MAGI1: variants seen among roughly 807,000 people sequenced by gnomAD.
MAGI1 encodes membrane associated guanylate kinase, WW and PDZ domain containing 1, also known as membrane-associated guanylate kinase, WW and PDZ domain-containing protein 1.
A neutral mutation model predicts 139.9 loss-of-function variants in MAGI1; 58 were observed. That is an observed-to-expected ratio of 0.41 (90% confidence interval 0.34 to 0.52). The LOEUF (loss-of-function observed/expected upper bound fraction) is 0.52. Among genes scored for constraint, MAGI1 ranks in the 20% least tolerant of loss-of-function variants. The pLI is 0.12. For synonymous variants in MAGI1, 812 were observed against 737.9 expected, an observed-to-expected ratio of 1.10 and a Z score of -1.63; for missense variants, 1,874 against 1,901.6, an observed-to-expected ratio of 0.99 and a Z score of 0.27.
intron 12 of MAGI1, chr3:65,401,780 C>G: frequency 7.3e-7 from 1 of 1,377,890 alleles, no homozygotes; most frequent in Non-Finnish European, 9.4e-7. Flanking sequence ...GACAGAATCT[C>G]AAATGCTCTT....
intron 1 of MAGI1, among the ~76,000 whole-genome samples, chr3:65,676,710 AC>A (rs2087211564): frequency 1.3e-5 from 2 of 152,020 alleles, no homozygotes; most frequent in African/African-American, 4.8e-5. Flanking sequence ...CATTTTATCT[AC>A]CCCCTTCTTC....
chr3:65,457,905 T>C (rs1312312528), intron 5 of MAGI1, among the ~76,000 whole-genome samples: 1 of 152,110 alleles, frequency 6.6e-6, no homozygotes, highest in South Asian at 2.1e-4. Context: ...ATTCTTTCTA[T>C]TTTTTTGTAG....
intron 1 of MAGI1, among the ~76,000 whole-genome samples, chr3:65,742,116 C>T (rs1219645529): frequency 6.6e-6 from 1 of 152,042 alleles, no homozygotes; most frequent in African/African-American, 2.4e-5. Context: ...TAGAATTCTA[C>T]AATATTTAAC....
chr3:65,802,494 A>G (rs547131622), intron 1 of MAGI1, among the ~76,000 whole-genome samples: 1 of 152,328 alleles, frequency 6.6e-6, no homozygotes, highest in East Asian at 1.9e-4. Flanking sequence ...CTAGAAAAAT[A>G]AAAAGTCCTT....
intron 1 of MAGI1, among the ~76,000 whole-genome samples, chr3:65,761,636 A>G (rs760661388): frequency 3.2e-4 from 49 of 152,208 alleles, no homozygotes; most frequent in Non-Finnish European, 5.6e-4. Flanking sequence ...GCACAATGCC[A>G]CAAAAGAAGT....
At chr3:65,597,910 A>G in intron 2 of MAGI1, 2 of 410,824 alleles carry the variant, frequency 4.9e-6, no homozygotes, top group South Asian at 3.2e-5. Flanking sequence ...CAGCGGCTGT[A>G]AAGAGAGGCG....
intron 3 of MAGI1, among the ~76,000 whole-genome samples, chr3:65,484,757 G>A (rs1486256623): frequency 6.6e-6 from 1 of 151,902 alleles, no homozygotes; most frequent in Non-Finnish European, 1.5e-5. Flanking sequence ...TCCTCACCCT[G>A]TTACTACCTG....
At chr3:65,620,354 C>T (rs2083598938) in intron 2 of MAGI1, among the ~76,000 whole-genome samples, 1 of 152,138 alleles carries the variant, frequency 6.6e-6, no homozygotes, top group African/African-American at 2.4e-5. Context: ...TACTGACCCT[C>T]CCCGTGACTT....
At chr3:65,972,599 C>G (rs1323639788) in intron 1 of MAGI1, among the ~76,000 whole-genome samples, 1 of 152,246 alleles carries the variant, frequency 6.6e-6, no homozygotes, top group Non-Finnish European at 1.5e-5. Flanking sequence ...TCCAAAATAT[C>G]ATGTATTTTT....
intron 1 of MAGI1, 63 bp downstream of exon 1, chr3:66,037,933 G>A (rs2069032873): frequency 8.6e-6 from 13 of 1,511,260 alleles, no homozygotes; most frequent in South Asian, 1.3e-5. Context: ...TCGAGAATAA[G>A]GGGCAGCCCA....
chr3:65,673,039 G>A (rs1421724766), intron 1 of MAGI1, among the ~76,000 whole-genome samples: 1 of 152,072 alleles, frequency 6.6e-6, no homozygotes, highest in Non-Finnish European at 1.5e-5. Flanking sequence ...CAACTCAAAA[G>A]GGCATCACAT....
chr3:65,890,288 C>T (rs1559981831), intron 1 of MAGI1, among the ~76,000 whole-genome samples: 2 of 152,166 alleles, frequency 1.3e-5, no homozygotes, highest in Admixed American at 6.5e-5. Context: ...TGGCGTCAAC[C>T]CAGGAGGCGG....
At chr3:65,909,377 T>C (rs917045106) in intron 1 of MAGI1, among the ~76,000 whole-genome samples, 1 of 149,284 alleles carries the variant, frequency 6.7e-6, no homozygotes, top group African/African-American at 2.5e-5. Flanking sequence ...AAAAAAAAAA[T>C]TGTTTAATTA....
chr3:66,024,573 A>T (rs1399062060), intron 1 of MAGI1, among the ~76,000 whole-genome samples: 1 of 151,562 alleles, frequency 6.6e-6, no homozygotes, highest in African/African-American at 2.4e-5. Context: ...TTGGGAGGCC[A>T]AGGTGGGCGG....
intron 1 of MAGI1, among the ~76,000 whole-genome samples, chr3:65,929,630 G>T (rs961431850): frequency 6.6e-6 from 1 of 152,090 alleles, no homozygotes; most frequent in Non-Finnish European, 1.5e-5. Context: ...ACCGCGCCCA[G>T]CCAAGGAAGA....
chr3:65,456,774 G>A (rs1015900358), intron 5 of MAGI1, among the ~76,000 whole-genome samples: 6 of 152,094 alleles, frequency 3.9e-5, no homozygotes, highest in Non-Finnish European at 5.9e-5. Context: ...TACTGAAAAG[G>A]CTATCTGCCC....
chr3:65,445,744 C>T (rs987189544), intron 7 of MAGI1, among the ~76,000 whole-genome samples: 8 of 152,286 alleles, frequency 5.3e-5, no homozygotes, highest in Non-Finnish European at 7.4e-5. Context: ...AATGGAGCAA[C>T]TGACCCAGCT....
chr3:65,576,108 T>G (rs2081164041), intron 2 of MAGI1, among the ~76,000 whole-genome samples: 1 of 152,222 alleles, frequency 6.6e-6, no homozygotes, highest in Non-Finnish European at 1.5e-5. Flanking sequence ...TAGATATTTG[T>G]CTAATTTTGT....
At chr3:65,395,837 T>A (rs1944351793) in intron 13 of MAGI1, among the ~76,000 whole-genome samples, 1 of 151,634 alleles carries the variant, frequency 6.6e-6, no homozygotes, top group Non-Finnish European at 1.5e-5. Context: ...CAAGTGGGGA[T>A]GTTCCAAGAG....
Sources: gnomAD v4.1 joint callset for allele counts (sites outside exome capture counted in the v4.1 genomes callset) on GRCh38, gnomAD v4.1.1 for gene constraint, MANE v1.5 for transcripts, NCBI Gene and HGNC (gene_info 2026-07-23, HGNC 2026-07-21) for gene names.